The following UBE3D variants were observed in gnomAD, a reference collection of about 807,000 sequenced individuals.
UBE3D encodes E3 ubiquitin-protein ligase E3D.
Under a neutral mutation model 49.6 loss-of-function variants are expected in UBE3D, and 48 were observed. That is an observed-to-expected ratio of 0.97 (90% CI 0.77 to 1.23). The LOEUF (loss-of-function observed/expected upper bound fraction) is 1.23. Among genes scored for constraint, UBE3D ranks in the 50% most tolerant of loss-of-function variants. The pLI, the probability that UBE3D is intolerant of heterozygous loss-of-function variation, is 0.00. For synonymous variants in UBE3D, 189 were observed against 174.2 expected (o/e 1.08, Z -0.67); for missense variants, 452 against 468.4 (o/e 0.96, Z 0.32).
At chr6:82,986,984 G>A (rs942871461) in intron 8 of UBE3D, among the ~76,000 whole-genome samples, 9 of 150,774 alleles carry the variant, frequency 6.0e-5, no homozygotes, top group South Asian at 2.1e-4. Flanking sequence ...TTGATCCGTC[G>A]CCCAGGCTGG....
chr6:82,938,555 T>C lies in UBE3D; in HGVS notation c.1149+18757A>G, dbSNP rs566960585. The C allele has an allele frequency of 1.8e-4, 28 of 152,320 alleles. 1 individual carries two copies. Among genetic ancestry groups the C allele is most frequent in the African/African-American group, 6.7e-4 (28 of 41,552 alleles). The allele number at this position is 152,320 out of a possible 1,614,324, so 9.4% of individuals were successfully genotyped here. A position where few individuals can be genotyped will look rare whatever the true frequency, so the allele number is the denominator to read the frequency against. On this transcript the variant is annotated intron_variant, in intron 9 of 9. Transcript: ENST00000369747. ...ACTTGATGACAACTATTCAGTTTAG[T>C]GCAATACAGACTGTGTTAAGTGCAG...
intron 9 of UBE3D, among the ~76,000 whole-genome samples, chr6:82,900,166 A>G (rs1013631052): frequency 4.6e-5 from 7 of 152,224 alleles, no homozygotes; most frequent in Non-Finnish European, 1.0e-4. Context: ...GTGCTGCCCT[A>G]TTGGCGACAT....
intron 9 of UBE3D, 71 bp downstream of exon 9, chr6:82,957,239 AAG>A: frequency 6.6e-7 from 1 of 1,520,952 alleles, no homozygotes; most frequent in South Asian, 1.2e-5. Context: ...TCTCCTGTGA[AAG>A]AGAGGATCCT....
At chr6:82,978,329 A>T (rs999980253) in intron 8 of UBE3D, among the ~76,000 whole-genome samples, 4 of 152,096 alleles carry the variant, frequency 2.6e-5, no homozygotes, top group Non-Finnish European at 5.9e-5. Flanking sequence ...TCACTATTCT[A>T]TTATCATAAT....
intron 8 of UBE3D, among the ~76,000 whole-genome samples, chr6:83,005,373 C>T (rs1265117319): frequency 6.6e-6 from 1 of 151,682 alleles, no homozygotes; most frequent in African/African-American, 2.4e-5. Flanking sequence ...TGCTTGTGTA[C>T]TTTTGATAGG....
intron 9 of UBE3D, among the ~76,000 whole-genome samples, chr6:82,929,174 A>G (rs1167229071): frequency 2.7e-5 from 4 of 148,812 alleles, no homozygotes; most frequent in Non-Finnish European, 4.5e-5. Context: ...ATAAGAAAGA[A>G]TAAGGACTTT....
At chr6:82,923,547 C>G (rs926318426) in intron 9 of UBE3D, among the ~76,000 whole-genome samples, 14 of 152,010 alleles carry the variant, frequency 9.2e-5, no homozygotes, top group Admixed American at 9.2e-4. Flanking sequence ...CATCACACAC[C>G]AGAGCCTGGG....
chr6:82,918,629 G>T (rs903409041), intron 9 of UBE3D, among the ~76,000 whole-genome samples: 1 of 151,974 alleles, frequency 6.6e-6, no homozygotes, highest in African/African-American at 2.4e-5. Context: ...CTATGGATTT[G>T]AAACCGGCCC....
At chr6:82,970,443 A>C (rs1260968338) in intron 8 of UBE3D, among the ~76,000 whole-genome samples, 1 of 152,198 alleles carries the variant, frequency 6.6e-6, no homozygotes, top group Non-Finnish European at 1.5e-5. Context: ...ATGAATTTAC[A>C]AAAAGAGGAC....
chr6:82,930,835 T>C (rs1008092083), intron 9 of UBE3D, among the ~76,000 whole-genome samples: 3 of 152,190 alleles, frequency 2.0e-5, no homozygotes, highest in African/African-American at 7.2e-5. Flanking sequence ...GAAAAACTCA[T>C]TTTCTGGGAA....
chr6:82,936,913 G>A (rs908370799), intron 9 of UBE3D, among the ~76,000 whole-genome samples: 1 of 152,164 alleles, frequency 6.6e-6, no homozygotes, highest in African/African-American at 2.4e-5. Context: ...AGCGCAGGAG[G>A]AATGAAAACA....
chr6:82,936,509 T>A (rs7741752), intron 9 of UBE3D, among the ~76,000 whole-genome samples: 1 of 152,100 alleles, frequency 6.6e-6, no homozygotes, highest in African/African-American at 2.4e-5. Context: ...GTTTTTTTTT[T>A]AATGAAGAAC....
chr6:83,015,484 G>A lies in UBE3D; in HGVS notation c.1010+3489C>T, dbSNP rs570154869. On this transcript the variant is annotated intron_variant, in intron 8 of 9. Coordinates refer to ENST00000369747, the MANE Select transcript of UBE3D (RefSeq NM_198920.3). ...TTAAAAGGAGAGTCCCTACTTAGTG[G>A]GCCCAAATCAATAAATTCAGGCTGA... 2.0e-5 allele frequency among the ~76,000 whole-genome samples: 3 copies of A among 152,098 alleles called. No homozygotes were observed. The East Asian group carries it at 5.8e-4, about 29-fold the overall frequency.
At chr6:83,035,172 C>T (rs866050211) in intron 5 of UBE3D, among the ~76,000 whole-genome samples, 6 of 120,020 alleles carry the variant, frequency 5.0e-5, no homozygotes, top group South Asian at 3.3e-4. Context: ...CAGAGTGAGA[C>T]TATGTCTCAA....
In UBE3D at chr6:83,057,862, G is replaced by A. The variant is rs780386712; in HGVS notation, c.238C>T (p.His80Tyr). 1.2e-6 allele frequency: 2 copies of A among 1,614,032 alleles called. No homozygotes were observed. The highest frequency in any genetic ancestry group is 1.7e-6 in the Non-Finnish European group (2 of 1,180,038). The change falls in exon 2 of 10, where the codon CAC becomes TAC. Residue 80 changes from histidine to tyrosine, a missense_variant. By Grantham distance (83) the His-to-Tyr change is moderately conservative. Coordinates refer to ENST00000369747, the MANE Select transcript of UBE3D (RefSeq NM_198920.3). ...TTTGCTTGCGTCTGCAGTCGCAGGT[G>A]CAGTCCATCTCCAACAACAAACTGT... ...GLQFVVGDGL[H>Y]LRLQTQAKLG...
chr6:83,008,126 G>A (rs1780104476), intron 8 of UBE3D, among the ~76,000 whole-genome samples: 1 of 152,096 alleles, frequency 6.6e-6, no homozygotes, highest in South Asian at 2.1e-4. Flanking sequence ...AGCACTATTG[G>A]CATTTGGGGT....
chr6:82,939,874 C>T (rs1562102903), intron 9 of UBE3D, among the ~76,000 whole-genome samples: 1 of 152,194 alleles, frequency 6.6e-6, no homozygotes. Flanking sequence ...TAATTATAGA[C>T]TTAGTAAGCT....
intron 8 of UBE3D, 43 bp from the exon 9 acceptor site, chr6:82,957,493 T>C (rs529483231): frequency 6.4e-7 from 1 of 1,558,852 alleles, no homozygotes; most frequent in South Asian, 1.2e-5. Context: ...TGCATTATCA[T>C]AATTATTTTA....
In UBE3D at chr6:83,054,200, C is replaced by T. The variant is rs761450009; in HGVS notation, c.313G>A (p.Glu105Lys). ...SMFNQSSQTQ[E>K]CCTFYCQSCG... is the part of the protein sequence containing the mutation. ...GATTGGCAATAAAACGTGCAACATT[C>T]TTGGGTTTGCGAGCTTTGATTAAAC... Residue 105 changes from glutamate (E) to lysine (K), a missense_variant, in exon 3 of 10, where the codon GAA becomes AAA. Transcript: ENST00000369747. 1.2e-6 allele frequency: 2 copies of T among 1,613,848 alleles called. No individual in the cohort carries two copies. The highest frequency in any genetic ancestry group is 4.5e-5 in the East Asian group (2 of 44,870).
Sources: allele counts gnomAD v4.1 joint callset (sites outside exome capture counted in the v4.1 genomes callset), GRCh38; gene constraint gnomAD v4.1.1; transcripts MANE v1.5; gene names NCBI Gene and HGNC (gene_info 2026-07-23, HGNC 2026-07-21).